CA6: variants seen among roughly 807,000 people sequenced by gnomAD.
The protein encoded by CA6 is carbonic anhydrase 6, also known as carbonate dehydratase VI.
Under a neutral mutation model 35.9 loss-of-function variants are expected in CA6, and 28 were observed. The ratio of observed to expected loss-of-function variants is 0.78; its 90% CI spans 0.58 to 1.07. CA6 has a LOEUF of 1.07. CA6 is among the 50% of genes least tolerant of loss of function. The pLI is 0.00. For missense variants in CA6, 377 were observed against 382.0 expected, an observed-to-expected ratio of 0.99 and a Z score of 0.11; for synonymous variants, 148 against 152.6, an observed-to-expected ratio of 0.97 and a Z score of 0.22.
chr1:8,973,165 A>G (rs1640152634), intron 7 of CA6, among the ~76,000 whole-genome samples: 1 of 152,086 alleles, frequency 6.6e-6, no homozygotes, highest in Non-Finnish European at 1.5e-5. Flanking sequence ...GATTACAGGC[A>G]CGCGCCCCCA....
rs375258281 is a variant in CA6, at chr1:8,973,784, C to CTTTCTTTCTTCT, written c.845-835_845-834insCTTTCTTCTTTT. ...TCTTTCTTTCTTTCTTTCTTTCTTT[C>CTTTCTTTCTTCT]TTTTCCCTCCCTCCCTCTCTCTCTC... On this transcript the variant is annotated intron_variant, in intron 7 of 7. Coordinates refer to ENST00000377443, the MANE Select transcript of CA6 (RefSeq NM_001215.4). 5.8e-5 allele frequency among the ~76,000 whole-genome samples: 3 copies of CTTTCTTTCTTCT among 52,012 alleles called. 1 individual carries two copies. Among genetic ancestry groups the CTTTCTTTCTTCT allele is most frequent in the African/African-American group, 2.2e-4 (3 of 13,498 alleles). The allele number at this position is 52,012 out of a possible 152,430, so 34.1% of individuals were successfully genotyped here. A position where few individuals can be genotyped will look rare whatever the true frequency, so the allele number is the denominator to read the frequency against.
At chr1:8,952,251 C>T (rs1639558726) in intron 2 of CA6, 2 of 152,346 alleles carry the variant, frequency 1.3e-5, no homozygotes, top group South Asian at 4.2e-4. Flanking sequence ...ATTCTCATGC[C>T]TCAGCCTCCT....
chr1:8,972,221 T>C (rs1569733654), intron 7 of CA6, among the ~76,000 whole-genome samples: 1 of 151,982 alleles, frequency 6.6e-6, no homozygotes, highest in African/African-American at 2.4e-5. Flanking sequence ...CTAATTTTTT[T>C]TGTAGTTTTT....
At chr1:8,970,691 A>G (rs1462118836) in intron 6 of CA6, among the ~76,000 whole-genome samples, 176 bp from the exon 7 acceptor site, 2 of 151,954 alleles carry the variant, frequency 1.3e-5, no homozygotes, top group African/African-American at 4.8e-5. Flanking sequence ...AGTAGAGAAG[A>G]GGTTTCACCA....
At chr1:8,974,346 G>A (rs1184544128) in intron 7 of CA6, 3 of 1,494,622 alleles carry the variant, frequency 2.0e-6, no homozygotes, top group Admixed American at 2.5e-5. Context: ...TATCCCCTCA[G>A]GCAAGGGCCA....
At chr1:8,946,539 A>G (rs1283973897) in intron 1 of CA6, among the ~76,000 whole-genome samples, 1 of 152,102 alleles carries the variant, frequency 6.6e-6, no homozygotes, top group Non-Finnish European at 1.5e-5. Flanking sequence ...TTTTTGCTTT[A>G]AATTTTTTTC....
intron 7 of CA6, chr1:8,974,418 T>G (rs1178108776): frequency 6.5e-7 from 1 of 1,537,614 alleles, no homozygotes; most frequent in East Asian, 2.4e-5. Flanking sequence ...ACGCCACCCC[T>G]TGGCTCTGGG....
At chr1:8,945,992 C>T (rs772247858) in intron 1 of CA6, 27 bp downstream of exon 1, 2 of 1,459,190 alleles carry the variant, frequency 1.4e-6, no homozygotes, top group African/African-American at 1.4e-5. Flanking sequence ...TGCATGCTCC[C>T]CCAGTTACCC....
chr1:8,973,146 A>G (rs2124198098), intron 7 of CA6, among the ~76,000 whole-genome samples: 1 of 152,226 alleles, frequency 6.6e-6, no homozygotes, highest in East Asian at 1.9e-4. Context: ...CAGCCTCCCA[A>G]GTAGCTGGGA....
At chr1:8,960,031 A>T (rs1407521945) in intron 4 of CA6, among the ~76,000 whole-genome samples, 1 of 151,808 alleles carries the variant, frequency 6.6e-6, no homozygotes, top group African/African-American at 2.4e-5. Context: ...CAGGAATTCA[A>T]GACCAGCCTG....
intron 4 of CA6, 22 bp from the exon 5 acceptor site, chr1:8,962,565 A>G: frequency 1.2e-6 from 2 of 1,601,886 alleles, no homozygotes; most frequent in Non-Finnish European, 1.7e-6. Flanking sequence ...ACTTACGCTC[A>G]GTGCTCTGTG....
chr1:8,966,994 A>AAG (rs1639985481), intron 5 of CA6, among the ~76,000 whole-genome samples: 1 of 151,098 alleles, frequency 6.6e-6, no homozygotes, highest in African/African-American at 2.4e-5. Context: ...AATAAAAAAA[A>AAG]CAACTTATTG....
intron 5 of CA6, among the ~76,000 whole-genome samples, chr1:8,964,912 C>T (rs1370588353): frequency 6.6e-6 from 1 of 152,166 alleles, no homozygotes; most frequent in East Asian, 1.9e-4. Flanking sequence ...TCTGTCTCAT[C>T]TCAGTGACTC....
chr1:8,970,967 A>T lies in CA6; in HGVS notation c.830A>T (p.Asn277Ile). Reference sequence around the variant, plus strand: ...CTGAACCACAGAGTGGTGGAATCCAACTTCCCGAATCAGGGTGAGTGAGAC... The same window carrying T: ...CTGAACCACAGAGTGGTGGAATCCATCTTCCCGAATCAGGGTGAGTGAGAC... ...QPLNHRVVESNFPNQEYTLGS... is the reference protein window; with the variant it reads ...QPLNHRVVESIFPNQEYTLGS... The change falls in exon 7 of 8, where the codon AAC becomes ATC. Residue 277 changes from asparagine to isoleucine, a missense_variant. Physicochemically the swap from Asn to Ile is moderately radical, Grantham distance 149. Transcript: ENST00000377443. 1.2e-6 allele frequency: 2 copies of T among 1,611,570 alleles called. No homozygotes were observed. Among genetic ancestry groups the T allele is most frequent in the Admixed American group, 3.3e-5 (2 of 59,992 alleles).
chr1:8,947,084 G>A (rs964750247), intron 1 of CA6, among the ~76,000 whole-genome samples: 6 of 152,022 alleles, frequency 3.9e-5, no homozygotes, highest in African/African-American at 1.5e-4. Flanking sequence ...GATTACAGGC[G>A]TGAGCCACCG....
intron 3 of CA6, among the ~76,000 whole-genome samples, chr1:8,957,530 G>A (rs900167141): frequency 2.0e-5 from 3 of 152,042 alleles, no homozygotes; most frequent in Non-Finnish European, 2.9e-5. Flanking sequence ...TAGTAGAGAC[G>A]GGATTTCACC....
At chr1:8,969,711 A>G (rs900099680) in intron 6 of CA6, among the ~76,000 whole-genome samples, 1 of 152,184 alleles carries the variant, frequency 6.6e-6, no homozygotes, top group Non-Finnish European at 1.5e-5. Context: ...AAATCATCAA[A>G]GACAAAGAAA....
In CA6 at chr1:8,974,684, T is replaced by G. The variant is rs780343840; in HGVS notation, c.907T>G (p.Leu303Val). Residue 303 changes from leucine to valine, a missense_variant, in exon 8 of 8, where the codon TTA becomes GTA. By Grantham distance (32) the Leu-to-Val change is conservative. Coordinates refer to ENST00000377443, the MANE Select transcript of CA6 (RefSeq NM_001215.4). ...LHKIEEILDY[L>V]RRALN ...TAAGATTGAGGAAATTCTTGACTACTTAAGAAGAGCATTGAACTGAGGAAA... is the reference window on the plus strand; with the variant it reads ...TAAGATTGAGGAAATTCTTGACTACGTAAGAAGAGCATTGAACTGAGGAAA... 6 of 1,602,828 alleles carry G rather than the reference T, an allele frequency of 3.7e-6. No individual in the cohort carries two copies. Among genetic ancestry groups the G allele is most frequent in the Non-Finnish European group, 5.1e-6 (6 of 1,173,066 alleles).
chr1:8,949,930 G>A (rs1639479979), intron 2 of CA6, among the ~76,000 whole-genome samples: 1 of 152,082 alleles, frequency 6.6e-6, no homozygotes, highest in Non-Finnish European at 1.5e-5. Flanking sequence ...GACAGAAAAA[G>A]CAGGGCCGTG....
Sources: allele counts gnomAD v4.1 joint callset (sites outside exome capture counted in the v4.1 genomes callset), GRCh38; gene constraint gnomAD v4.1.1; transcripts MANE v1.5; gene names NCBI Gene and HGNC (gene_info 2026-07-23, HGNC 2026-07-21).